LRRTM4: variants seen among roughly 807,000 people sequenced by gnomAD.
The protein encoded by LRRTM4 is leucine-rich repeat transmembrane neuronal protein 4.
Under a neutral mutation model 47.6 loss-of-function variants are expected in LRRTM4, and 25 were observed. The ratio of observed to expected loss-of-function variants is 0.53; its 90% CI spans 0.38 to 0.73. The LOEUF (loss-of-function observed/expected upper bound fraction) is 0.73, where lower values mean the gene tolerates loss of function less well. Ranked by LOEUF, LRRTM4 falls within the 30% of genes least tolerant of loss-of-function variation. The pLI, the probability that LRRTM4 is intolerant of heterozygous loss-of-function variation, is 0.00. For synonymous variants in LRRTM4, 311 were observed against 269.5 expected, an observed-to-expected ratio of 1.15 and a Z score of -1.51; for missense variants, 638 against 713.4, an observed-to-expected ratio of 0.89 and a Z score of 1.20.
chr2:76,841,721 G>A (rs1356188143), intron 3 of LRRTM4, among the ~76,000 whole-genome samples: 1 of 145,294 alleles, frequency 6.9e-6, no homozygotes, highest in Non-Finnish European at 1.5e-5. Context: ...AGACAAAATA[G>A]ACAAAAACTC....
At chr2:77,216,846 GC>G (rs1170682622) in intron 3 of LRRTM4, among the ~76,000 whole-genome samples, 2 of 151,992 alleles carry the variant, frequency 1.3e-5, no homozygotes, top group Non-Finnish European at 2.9e-5. Context: ...GCCGAGGCAG[GC>G]AGATCATGAG....
chr2:77,089,964 C>T (rs1015653029), intron 3 of LRRTM4, among the ~76,000 whole-genome samples: 4 of 152,086 alleles, frequency 2.6e-5, no homozygotes, highest in Non-Finnish European at 5.9e-5. Context: ...CTTTCCCTCC[C>T]ATCTGTCCCC....
At chr2:76,951,730 G>C (rs1337673492) in intron 3 of LRRTM4, among the ~76,000 whole-genome samples, 2 of 151,810 alleles carry the variant, frequency 1.3e-5, no homozygotes, top group African/African-American at 4.8e-5. Context: ...CCATCATCTA[G>C]TTTTAAGCCC....
At chr2:77,438,429 T>C (rs551004301) in intron 3 of LRRTM4, among the ~76,000 whole-genome samples, 595 of 130,220 alleles carry the variant, frequency 4.6e-3, no homozygotes, top group South Asian at 0.022. Flanking sequence ...TTTTTTGAGA[T>C]GGAGTCTCGC....
chr2:77,512,329 C>T (rs1451934144), intron 3 of LRRTM4, among the ~76,000 whole-genome samples: 3 of 152,028 alleles, frequency 2.0e-5, no homozygotes, highest in African/African-American at 7.2e-5. Context: ...ACCTTTCCTA[C>T]CTTACAGTTA....
At chr2:76,982,795 CT>C (rs1676656527) in intron 3 of LRRTM4, among the ~76,000 whole-genome samples, 1 of 152,010 alleles carries the variant, frequency 6.6e-6, no homozygotes, top group African/African-American at 2.4e-5. Flanking sequence ...ATAGAACACA[CT>C]TGCCAATTAA....
intron 3 of LRRTM4, among the ~76,000 whole-genome samples, chr2:77,481,078 CA>C (rs1418689476): frequency 6.6e-6 from 1 of 152,114 alleles, no homozygotes; most frequent in Non-Finnish European, 1.5e-5. Flanking sequence ...CTAATTCTTC[CA>C]CTAGGAGTAT....
At chr2:77,373,582 C>A (rs143171691) in intron 3 of LRRTM4, among the ~76,000 whole-genome samples, 1 of 151,680 alleles carries the variant, frequency 6.6e-6, no homozygotes, top group African/African-American at 2.4e-5. Flanking sequence ...ACCCTACACC[C>A]GGCATCCCCT....
At chr2:77,063,731 A>G (rs980745945) in intron 3 of LRRTM4, among the ~76,000 whole-genome samples, 2 of 152,216 alleles carry the variant, frequency 1.3e-5, no homozygotes, top group African/African-American at 4.8e-5. Flanking sequence ...CAGAGGTTGG[A>G]AACATTCAGT....
At chr2:77,166,087 G>A (rs1672875955) in intron 3 of LRRTM4, among the ~76,000 whole-genome samples, 1 of 151,892 alleles carries the variant, frequency 6.6e-6, no homozygotes, top group Non-Finnish European at 1.5e-5. Context: ...AAAATCTTAA[G>A]CTGATAAGCA....
intron 3 of LRRTM4, among the ~76,000 whole-genome samples, chr2:77,189,110 TAAAA>T (rs143237081): frequency 6.8e-6 from 1 of 148,076 alleles, no homozygotes; most frequent in Non-Finnish European, 1.5e-5. Context: ...AAATTTCAAA[TAAAA>T]AAAAAACTTT....
At chr2:77,088,728 G>A (rs1314591938) in intron 3 of LRRTM4, among the ~76,000 whole-genome samples, 5 of 152,088 alleles carry the variant, frequency 3.3e-5, no homozygotes, top group South Asian at 2.1e-4. Context: ...TCAATCCCCC[G>A]TCCTCCTGCT....
chr2:77,293,297 A>G (rs1380135448), intron 3 of LRRTM4, among the ~76,000 whole-genome samples: 1 of 152,148 alleles, frequency 6.6e-6, no homozygotes, highest in African/African-American at 2.4e-5. Context: ...ATACAAACAT[A>G]CGTAAGACAG....
At chr2:77,123,443 A>G (rs905186515) in intron 3 of LRRTM4, among the ~76,000 whole-genome samples, 3 of 152,090 alleles carry the variant, frequency 2.0e-5, no homozygotes, top group Non-Finnish European at 4.4e-5. Context: ...CAATGTTGCT[A>G]TATTTCCCCC....
intron 3 of LRRTM4, among the ~76,000 whole-genome samples, chr2:77,073,022 CA>C (rs1216178248): frequency 6.6e-6 from 1 of 152,054 alleles, no homozygotes; most frequent in Non-Finnish European, 1.5e-5. Context: ...TCATTGACAT[CA>C]GTTGGGAGAT....
At chr2:76,934,170 T>A (rs1340672119) in intron 3 of LRRTM4, among the ~76,000 whole-genome samples, 1 of 152,200 alleles carries the variant, frequency 6.6e-6, no homozygotes, top group Admixed American at 6.5e-5. Context: ...TGCTTGTCAC[T>A]CACATAATTT....
At chr2:77,237,166 GA>G (rs1193204796) in intron 3 of LRRTM4, among the ~76,000 whole-genome samples, 43 of 96,792 alleles carry the variant, frequency 4.4e-4, no homozygotes, top group Non-Finnish European at 7.9e-4. Context: ...CTTGTTGGGG[GA>G]TTTTTTTTTT....
chr2:76,838,839 G>A lies in LRRTM4; in HGVS notation c.1552-89923C>T, dbSNP rs534788708. On this transcript the variant is annotated intron_variant, in intron 3 of 3. Coordinates refer to ENST00000409884, the MANE Select transcript of LRRTM4 (RefSeq NM_001134745.3). ...AGATAAAATCCTGAATTTCATCTTC[G>A]AAAATTTCAGATATTTATTATACAT... 7.2e-5 allele frequency among the ~76,000 whole-genome samples: 11 copies of A among 152,124 alleles called. No homozygotes were observed. The South Asian group carries it at 1.0e-3, about 14-fold the overall frequency.
intron 3 of LRRTM4, among the ~76,000 whole-genome samples, chr2:77,477,804 ACT>A (rs1462629321): frequency 6.9e-6 from 1 of 145,852 alleles, no homozygotes; most frequent in Non-Finnish European, 1.5e-5. Flanking sequence ...GCACCATCAC[ACT>A]CCAGCCTGCG....
Sources: gnomAD v4.1 joint callset for allele counts (sites outside exome capture counted in the v4.1 genomes callset) on GRCh38, gnomAD v4.1.1 for gene constraint, MANE v1.5 for transcripts, NCBI Gene and HGNC (gene_info 2026-07-23, HGNC 2026-07-21) for gene names.